The following MSH3 variants were observed in gnomAD, a reference collection of about 807,000 sequenced individuals.
MSH3 encodes the protein mutS homolog 3, also known as DNA mismatch repair protein Msh3.
A neutral mutation model predicts 123.3 loss-of-function variants in MSH3; 106 were observed. The observed-to-expected ratio is 0.86, with a 90% CI of 0.73 to 1.01. The LOEUF (loss-of-function observed/expected upper bound fraction) is 1.01. Among genes scored for constraint, MSH3 ranks in the 50% least tolerant of loss-of-function variants. The pLI is 0.00. For missense variants in MSH3, 1,459 were observed against 1,347.6 expected (o/e 1.08, Z -1.29); for synonymous variants, 515 against 481.4 (o/e 1.07, Z -0.91).
At chr5:80,852,888 T>C (rs908415857) in intron 20 of MSH3, among the ~76,000 whole-genome samples, 2 of 152,214 alleles carry the variant, frequency 1.3e-5, no homozygotes, top group Admixed American at 6.5e-5. Context: ...TTTTGTGAAC[T>C]ATTGTAGCAA....
At chr5:80,792,890 CT>C in intron 19 of MSH3, 46 bp downstream of exon 19, 1 of 1,193,936 alleles carries the variant, frequency 8.4e-7, no homozygotes, top group Non-Finnish European at 1.2e-6. Context: ...ACATCCCAAA[CT>C]TTTACATACC....
At chr5:80,746,564 C>T (rs888879590) in intron 12 of MSH3, 3 of 417,984 alleles carry the variant, frequency 7.2e-6, no homozygotes, top group Non-Finnish European at 1.4e-5. Flanking sequence ...AATTGTTGGT[C>T]CTAAGGAGGG....
At chr5:80,836,786 TTTATA>T (rs1430726010) in intron 20 of MSH3, among the ~76,000 whole-genome samples, 3 of 146,308 alleles carry the variant, frequency 2.1e-5, no homozygotes, top group African/African-American at 8.3e-5. Context: ...ATTTTTAACA[TTTATA>T]TTATTTTGTA....
At chr5:80,784,416 T>C (rs1744468231) in intron 17 of MSH3, among the ~76,000 whole-genome samples, 1 of 151,894 alleles carries the variant, frequency 6.6e-6, no homozygotes, top group Non-Finnish European at 1.5e-5. Flanking sequence ...TTTTATTTTA[T>C]TAAATGTTTG....
chr5:80,655,050 G>A (rs905505977), intron 1 of MSH3, 86 bp downstream of exon 1: 2 of 763,908 alleles, frequency 2.6e-6, no homozygotes, highest in African/African-American at 1.9e-5. Flanking sequence ...GGGACCCTCC[G>A]CCCGATGATA....
At chr5:80,810,743 AT>A (rs1473302003) in intron 19 of MSH3, among the ~76,000 whole-genome samples, 2 of 152,110 alleles carry the variant, frequency 1.3e-5, no homozygotes, top group Admixed American at 1.3e-4. Flanking sequence ...ATATTCCTTC[AT>A]TTAATTAGGT....
intron 1 of MSH3, 31 bp downstream of exon 1, chr5:80,654,995 T>C (rs2112798936): frequency 8.0e-7 from 1 of 1,251,992 alleles, no homozygotes; most frequent in Non-Finnish European, 1.1e-6. Context: ...GGCAGGGCCA[T>C]CGGGGCTGGG....
At chr5:80,727,521 C>T (rs1254139324) in intron 9 of MSH3, among the ~76,000 whole-genome samples, 1 of 152,188 alleles carries the variant, frequency 6.6e-6, no homozygotes. Context: ...TCTGCCCTTG[C>T]AGCTTATATG....
At chr5:80,766,570 C>T (rs565412427) in intron 13 of MSH3, among the ~76,000 whole-genome samples, 2 of 152,094 alleles carry the variant, frequency 1.3e-5, no homozygotes, top group East Asian at 3.9e-4. Context: ...GTCTCGAACT[C>T]CTGACCTTGT....
At chr5:80,831,851 G>A (rs1003757130) in intron 20 of MSH3, among the ~76,000 whole-genome samples, 1 of 152,134 alleles carries the variant, frequency 6.6e-6, no homozygotes, top group East Asian at 1.9e-4. Context: ...GCTGACTCCT[G>A]TAATCCCAGC....
chr5:80,862,329 G>A (rs977040661), intron 21 of MSH3, among the ~76,000 whole-genome samples: 2 of 152,188 alleles, frequency 1.3e-5, no homozygotes, highest in Non-Finnish European at 2.9e-5. Context: ...AAGGTGAATG[G>A]CAGGTGAATC....
At chr5:80,829,008 G>C (rs558401048) in intron 20 of MSH3, among the ~76,000 whole-genome samples, 1 of 152,310 alleles carries the variant, frequency 6.6e-6, no homozygotes, top group South Asian at 2.1e-4. Context: ...TGCTCCACTA[G>C]ACATTACCCC....
At chr5:80,766,178 A>G (rs1254868438) in intron 13 of MSH3, among the ~76,000 whole-genome samples, 2 of 152,038 alleles carry the variant, frequency 1.3e-5, no homozygotes, top group Non-Finnish European at 2.9e-5. Flanking sequence ...TTGGTACACA[A>G]GTCTTTTTGG....
intron 8 of MSH3, among the ~76,000 whole-genome samples, chr5:80,706,695 A>G (rs975184830): frequency 2.6e-5 from 4 of 152,200 alleles, no homozygotes; most frequent in African/African-American, 9.6e-5. Flanking sequence ...AACGAGAGAT[A>G]TTTCTCACCA....
intron 8 of MSH3, among the ~76,000 whole-genome samples, chr5:80,714,284 C>T (rs987038904): frequency 1.3e-5 from 2 of 151,598 alleles, no homozygotes; most frequent in African/African-American, 4.9e-5. Context: ...TATAGGTGCC[C>T]ACCATCACAC....
At chr5:80,741,292 C>T (rs1743609758) in intron 10 of MSH3, among the ~76,000 whole-genome samples, 172 bp from the exon 11 acceptor site, 1 of 152,008 alleles carries the variant, frequency 6.6e-6, no homozygotes, top group South Asian at 2.1e-4. Flanking sequence ...ACAGCACCAG[C>T]GTTAATGGAC....
intron 12 of MSH3, among the ~76,000 whole-genome samples, chr5:80,752,453 C>T (rs1453426198): frequency 6.6e-6 from 1 of 152,040 alleles, no homozygotes; most frequent in Middle Eastern, 3.2e-3. Context: ...AACTAAGTCT[C>T]AGTTTTTCCA....
At chr5:80,820,947 A>C (rs1745194426) in intron 20 of MSH3, among the ~76,000 whole-genome samples, 2 of 152,188 alleles carry the variant, frequency 1.3e-5, no homozygotes, top group African/African-American at 4.8e-5. Flanking sequence ...TCTGGTCCCT[A>C]AAGTGGGAAG....
chr5:80,755,623 T>G (rs954706676), intron 12 of MSH3, among the ~76,000 whole-genome samples: 2 of 152,164 alleles, frequency 1.3e-5, no homozygotes, highest in African/African-American at 4.8e-5. Flanking sequence ...TTGCTGAATC[T>G]GTATTTAAAA....
Sources: gnomAD v4.1 joint callset for allele counts (sites outside exome capture counted in the v4.1 genomes callset) on GRCh38, gnomAD v4.1.1 for gene constraint, MANE v1.5 for transcripts, NCBI Gene and HGNC (gene_info 2026-07-23, HGNC 2026-07-21) for gene names.